CNTNAP2: variants seen among roughly 807,000 people sequenced by gnomAD.
CNTNAP2 encodes contactin-associated protein-like 2.
CNTNAP2 carries 98 observed loss-of-function variants against 155.2 expected under a neutral mutation model. That is an observed-to-expected ratio of 0.63 (90% CI 0.54 to 0.75). The LOEUF is 0.75. CNTNAP2 is among the 30% of genes least tolerant of loss of function. The pLI is 0.00. For missense variants in CNTNAP2, 1,727 were observed against 1,688.1 expected, an observed-to-expected ratio of 1.02 and a Z score of -0.40; for synonymous variants, 651 against 631.2, an observed-to-expected ratio of 1.03 and a Z score of -0.47.
chr7:147,084,476 A>G (rs1299179196), intron 4 of CNTNAP2, among the ~76,000 whole-genome samples: 2 of 143,108 alleles, frequency 1.4e-5, no homozygotes. Flanking sequence ...ATGTATATAC[A>G]CATATATGCA....
intron 1 of CNTNAP2, among the ~76,000 whole-genome samples, chr7:146,692,152 A>C (rs926026395): frequency 3.9e-5 from 6 of 152,144 alleles, no homozygotes; most frequent in African/African-American, 1.4e-4. Flanking sequence ...CTGCAGTCTT[A>C]CGTAGTCTTC....
At chr7:147,662,480 C>T (rs1795627909) in intron 13 of CNTNAP2, among the ~76,000 whole-genome samples, 2 of 152,132 alleles carry the variant, frequency 1.3e-5, no homozygotes, top group African/African-American at 4.8e-5. Flanking sequence ...TGTAGCTAAG[C>T]AAGATATAAT....
chr7:147,126,478 A>T (rs1232969361), intron 6 of CNTNAP2, among the ~76,000 whole-genome samples: 1 of 152,042 alleles, frequency 6.6e-6, no homozygotes, highest in East Asian at 1.9e-4. Flanking sequence ...TTATTTTATT[A>T]TTATTAATAT....
At chr7:146,267,499 A>G (rs1456011390) in intron 1 of CNTNAP2, among the ~76,000 whole-genome samples, 1 of 152,178 alleles carries the variant, frequency 6.6e-6, no homozygotes, top group Non-Finnish European at 1.5e-5. Context: ...CAACATTTAT[A>G]TCTTGAAATT....
rs111338501 is a variant in CNTNAP2, at chr7:146,170,793, C to T, written c.97+53820C>T. ...CTGTAATCCTGGCACTTTGGGAGGC[C>T]GAGGCAGGCGGATCACGAGGTCAGG... On this transcript the variant is annotated intron_variant, in intron 1 of 23. Coordinates refer to ENST00000361727, the MANE Select transcript of CNTNAP2 (RefSeq NM_014141.6). Among the ~76,000 whole-genome samples the T allele has an allele frequency of 3.7e-3, 568 of 152,028 alleles. 3 individuals carry two copies. The highest frequency in any genetic ancestry group is 0.014 in the Middle Eastern group (4 of 294).
intron 16 of CNTNAP2, among the ~76,000 whole-genome samples, chr7:148,122,856 AAAAAAAAAAG>A (rs1024926700): frequency 2.0e-5 from 3 of 148,332 alleles, no homozygotes; most frequent in Admixed American, 1.3e-4. Flanking sequence ...AATACATCTC[AAAAAAAAAAG>A]AAAAAAAAAG....
At chr7:147,588,406 T>C (rs1475906377) in intron 12 of CNTNAP2, among the ~76,000 whole-genome samples, 1 of 152,126 alleles carries the variant, frequency 6.6e-6, no homozygotes, top group African/African-American at 2.4e-5. Flanking sequence ...GAGGAGACAG[T>C]TCTCAAACAA....
chr7:147,089,383 AT>A (rs1294215154), intron 4 of CNTNAP2, among the ~76,000 whole-genome samples: 1 of 152,166 alleles, frequency 6.6e-6, no homozygotes, highest in Non-Finnish European at 1.5e-5. Flanking sequence ...ACCTTTATAA[AT>A]AGCATCCACT....
chr7:146,898,551 TTG>T (rs113858833), intron 3 of CNTNAP2, among the ~76,000 whole-genome samples: 29 of 150,960 alleles, frequency 1.9e-4, no homozygotes, highest in Admixed American at 9.3e-4. Flanking sequence ...ATGGCATCTA[TTG>T]TGTGTGTGTG....
chr7:147,007,384 C>A lies in CNTNAP2; in HGVS notation c.403-36523C>A, dbSNP rs139718229. On this transcript the variant is annotated intron_variant, in intron 3 of 23. Coordinates refer to ENST00000361727, the MANE Select transcript of CNTNAP2 (RefSeq NM_014141.6). ...ATTTAGAGCTTCTGGGGCTTTCTTTCCTGCTATCTGTCTGTCTATCTACCT... is the reference window on the plus strand; with the variant it reads ...ATTTAGAGCTTCTGGGGCTTTCTTTACTGCTATCTGTCTGTCTATCTACCT... Among the ~76,000 whole-genome samples the A allele has an allele frequency of 5.3e-3, 802 of 152,138 alleles. 8 individuals carry two copies. Among genetic ancestry groups the A allele is most frequent in the African/African-American group, 0.018 (741 of 41,526 alleles).
intron 13 of CNTNAP2, among the ~76,000 whole-genome samples, chr7:147,787,146 G>A (rs1797752923): frequency 6.6e-6 from 1 of 152,316 alleles, no homozygotes; most frequent in South Asian, 2.1e-4. Context: ...AATACCTGCA[G>A]GTGTGCGCTT....
At chr7:147,793,787 T>C (rs531835350) in intron 13 of CNTNAP2, among the ~76,000 whole-genome samples, 38 of 152,164 alleles carry the variant, frequency 2.5e-4, no homozygotes, top group Non-Finnish European at 4.4e-4. Flanking sequence ...ATTAAGTCTT[T>C]TGATCTATGA....
intron 18 of CNTNAP2, among the ~76,000 whole-genome samples, chr7:148,172,728 G>A (rs1037716986): frequency 7.2e-5 from 11 of 152,204 alleles, no homozygotes; most frequent in East Asian, 1.9e-4. Flanking sequence ...TTCACTGCCC[G>A]AAACACTACA....
intron 2 of CNTNAP2, among the ~76,000 whole-genome samples, chr7:146,811,344 T>G (rs182800558): frequency 1.8e-4 from 27 of 152,320 alleles, no homozygotes; most frequent in Non-Finnish European, 3.2e-4. Context: ...ATAGCCTATT[T>G]CTTTATGATT....
chr7:147,131,286 A>G (rs944102103), intron 7 of CNTNAP2, among the ~76,000 whole-genome samples: 13 of 151,510 alleles, frequency 8.6e-5, no homozygotes, highest in African/African-American at 3.1e-4. Context: ...AAAAATATAT[A>G]GAGAAAAAGA....
intron 13 of CNTNAP2, among the ~76,000 whole-genome samples, chr7:147,751,929 G>C (rs1459606677): frequency 1.3e-5 from 2 of 152,146 alleles, no homozygotes; most frequent in East Asian, 3.9e-4. Context: ...CAAGACCAGA[G>C]AGGTTAAGTG....
At chr7:147,944,946 T>C (rs2707581) in intron 14 of CNTNAP2, among the ~76,000 whole-genome samples, 72,192 of 151,980 alleles carry the variant, frequency 0.48, 18,788 homozygotes, top group Middle Eastern at 0.71. Context: ...AAATTGCTAT[T>C]TGCTGCCTGC....
chr7:146,680,681 G>A (rs948358223), intron 1 of CNTNAP2, among the ~76,000 whole-genome samples: 12 of 152,180 alleles, frequency 7.9e-5, no homozygotes, highest in Non-Finnish European at 7.4e-5. Flanking sequence ...CTGTACGTGT[G>A]TTCTGAAATA....
chr7:147,249,536 G>T (rs1199013159), intron 8 of CNTNAP2, among the ~76,000 whole-genome samples: 1 of 107,352 alleles, frequency 9.3e-6, no homozygotes, highest in Non-Finnish European at 1.9e-5. Flanking sequence ...TGATTAAAAA[G>T]AAACCACATT....
Sources: gnomAD v4.1 joint callset for allele counts (sites outside exome capture counted in the v4.1 genomes callset) on GRCh38, gnomAD v4.1.1 for gene constraint, MANE v1.5 for transcripts, NCBI Gene and HGNC (gene_info 2026-07-23, HGNC 2026-07-21) for gene names.